FAM83A: variants seen among roughly 807,000 people sequenced by gnomAD.
The protein encoded by FAM83A is scaffolding CK1 anchoring protein A.
Under a neutral mutation model 24.4 loss-of-function variants are expected in FAM83A, and 21 were observed. That is an observed-to-expected ratio of 0.86 (90% confidence interval 0.61 to 1.24). The LOEUF (loss-of-function observed/expected upper bound fraction) is 1.24. FAM83A is among the 50% of genes most tolerant of loss of function. The pLI, the probability that FAM83A is intolerant of heterozygous loss-of-function variation, is 0.00. For synonymous variants in FAM83A, 270 were observed against 252.4 expected (o/e 1.07, Z -0.66); for missense variants, 617 against 579.8 (o/e 1.06, Z -0.66).
rs541143732 is a variant in FAM83A at position 123,203,340 on chromosome 8, C to T, written c.774-3817C>T. 1.4e-3 allele frequency among the ~76,000 whole-genome samples: 208 copies of T among 151,874 alleles called. 2 individuals are homozygous for T. The highest frequency in any genetic ancestry group is 2.3e-3 in the Non-Finnish European group (158 of 67,956). On this transcript the variant is annotated intron_variant, in intron 3 of 3. Transcript: ENST00000690554. ...CGGTGGTTCACATCTGTAATCCCAG[C>T]ACCTTGGGAGGCAGAGGAAGGTGGA...
intron 1 of FAM83A, 94 bp from the exon 2 acceptor site, chr8:123,191,709 C>T: frequency 7.4e-7 from 1 of 1,356,280 alleles, no homozygotes; most frequent in African/African-American, 1.4e-5. Flanking sequence ...GGGAACAGCT[C>T]TCCCAGGCCC....
chr8:123,194,723 A>G (rs1434233822), intron 3 of FAM83A, among the ~76,000 whole-genome samples: 1 of 152,166 alleles, frequency 6.6e-6, no homozygotes, highest in Non-Finnish European at 1.5e-5. Context: ...ACCTCAGGTG[A>G]TCCACCCATG....
intron 2 of FAM83A, among the ~76,000 whole-genome samples, chr8:123,192,527 G>T (rs1159031668): frequency 6.6e-6 from 1 of 152,234 alleles, no homozygotes; most frequent in Non-Finnish European, 1.5e-5. Context: ...AGCGATAAGG[G>T]TTTGATTCAT....
chr8:123,188,389 T>A (rs1823871471), intron 1 of FAM83A, among the ~76,000 whole-genome samples: 1 of 152,114 alleles, frequency 6.6e-6, no homozygotes, highest in African/African-American at 2.4e-5. Context: ...CCAAATGAGG[T>A]CATATGCACA....
At chr8:123,184,628 C>T (rs1280784169) in intron 1 of FAM83A, among the ~76,000 whole-genome samples, 1 of 152,214 alleles carries the variant, frequency 6.6e-6, no homozygotes, top group East Asian at 1.9e-4. Flanking sequence ...CAGCCGGAGA[C>T]AAGTGAAGGG....
exon 4 of FAM83A, chr8:123,207,764 G>C: frequency 3.5e-6 from 5 of 1,410,262 alleles, no homozygotes; most frequent in South Asian, 1.6e-5. Flanking sequence ...CCTCAACGAC[G>C]AGTGGCGTTG....
Position 123,182,721 on chromosome 8 carries a change from T to C in FAM83A, c.-136T>C, listed in dbSNP as rs968352784. ...GGTAAATCACTTCTTGGAGGTGCCC[T>C]GCACGCCGGTCCTGGGAGCAGGCGG... On this transcript the variant is annotated 5_prime_UTR_variant, in exon 1 of 4. Coordinates refer to ENST00000690554, the Ensembl canonical transcript of FAM83A. 10 of 1,319,334 alleles carry C rather than the reference T, an allele frequency of 7.6e-6. No homozygotes were observed. The Admixed American group carries it at 8.2e-5, about 11-fold the overall frequency. 81.7% of individuals were successfully genotyped at this position (1,319,334 alleles called of 1,614,324 possible). A position where few individuals can be genotyped will look rare whatever the true frequency, so the allele number is the denominator to read the frequency against.
chr8:123,182,609 GC>G, upstream of FAM83A: 2 of 693,588 alleles, frequency 2.9e-6, no homozygotes, highest in Non-Finnish European at 5.2e-6. Flanking sequence ...AGCCCTCCCG[GC>G]CCGAGGGCAG....
exon 1 of FAM83A, chr8:123,182,951 A>G: frequency 6.2e-7 from 1 of 1,605,556 alleles, no homozygotes. Flanking sequence ...TTTAGTGACA[A>G]CGAGAGTGCC....
chr8:123,207,561 C>G, exon 4 of FAM83A: 3 of 1,544,940 alleles, frequency 1.9e-6, no homozygotes, highest in African/African-American at 2.7e-5. Context: ...CACGACGGCC[C>G]GCCCGCCGCT....
intron 3 of FAM83A, among the ~76,000 whole-genome samples, chr8:123,197,381 A>ACAT (rs2131087442): frequency 6.6e-6 from 1 of 152,318 alleles, no homozygotes; most frequent in South Asian, 2.1e-4. Context: ...GTCCCCATGT[A>ACAT]AGTGCCTGTC....
intron 3 of FAM83A, among the ~76,000 whole-genome samples, chr8:123,195,249 G>A (rs1824109170): frequency 6.6e-6 from 1 of 152,090 alleles, no homozygotes; most frequent in African/African-American, 2.4e-5. Flanking sequence ...ACAAACATTG[G>A]GATAAGCTGG....
Position 123,207,515 on chromosome 8 carries a change from GCC to G in FAM83A, c.1135_1136del (p.Pro379GlufsTer167). 6.4e-7 allele frequency: 1 copy of G among 1,571,906 alleles called. No individual in the cohort carries two copies. The highest frequency in any genetic ancestry group is 1.2e-5 in the South Asian group (1 of 86,638). ...CCAGCCCCACCAAGGCCCTTGGGGAGCCCCGAGTCCCCAGGCCCACCTCTCCC... is the reference window on the plus strand; with the variant it reads ...CCAGCCCCACCAAGGCCCTTGGGGAGCCGAGTCCCCAGGCCCACCTCTCCC... On this transcript the variant is annotated frameshift_variant, in exon 4 of 4. Transcript: ENST00000690554. LOFTEE classifies it low-confidence loss of function (END_TRUNC).
In FAM83A at chr8:123,209,684, T is replaced by C; in HGVS notation, c.*1996T>C. The C allele has an allele frequency of 1.0e-6, 1 of 991,708 alleles. No homozygotes were observed. The allele number at this position is 991,708 out of a possible 1,614,324, so 61.4% of individuals were successfully genotyped here. A position where few individuals can be genotyped will look rare whatever the true frequency, so the allele number is the denominator to read the frequency against. On this transcript the variant is annotated 3_prime_UTR_variant, in exon 4 of 4. Coordinates refer to ENST00000690554, the Ensembl canonical transcript of FAM83A. The surrounding 1 kb of genome is among the most constrained non-coding windows in gnomAD (Gnocchi z 4.7). ...GCCTCAGCCTGTGCCTGTGTCGAGC[T>C]CAGTCCTGGGAGATAGGGGAGAACC...
chr8:123,207,830 G>C (rs1824616703), exon 4 of FAM83A: 4 of 1,392,360 alleles, frequency 2.9e-6, no homozygotes, highest in Non-Finnish European at 3.7e-6. Flanking sequence ...AATGTTCCCA[G>C]GCCCCAGGCC....
At chr8:123,201,232 T>C (rs1824349373) in intron 3 of FAM83A, 1 of 152,314 alleles carries the variant, frequency 6.6e-6, no homozygotes, top group African/African-American at 2.4e-5. Context: ...ATCCTCCTAA[T>C]TGACAGAAGT....
intron 1 of FAM83A, among the ~76,000 whole-genome samples, chr8:123,191,284 T>C (rs1823964666): frequency 6.6e-6 from 1 of 152,176 alleles, no homozygotes; most frequent in Non-Finnish European, 1.5e-5. Context: ...CGTGACTCCC[T>C]TCTCCATCCC....
rs202137190 is a variant in FAM83A, at chr8:123,207,442, A to G, written c.1059A>G (p.Ser353=). 1,717 of 1,604,424 alleles carry G rather than the reference A, an allele frequency of 1.1e-3. 20 individuals carry two copies. The African/African-American group carries it at 0.019, about 17-fold the overall frequency. Reference sequence around the variant, plus strand: ...GTACCCGAAGTGTGTCCGCGTCTTCAGGGCCCTGTAGCCCCGCGGCCCCAC... The same window carrying G: ...GTACCCGAAGTGTGTCCGCGTCTTCGGGGCCCTGTAGCCCCGCGGCCCCAC... The change falls in exon 4 of 4, where the codon TCA becomes TCG. Residue 353 remains serine, a synonymous_variant. Transcript: ENST00000690554.
At chr8:123,194,194 GGCTGAGTGAGGT>G (rs1237102572) in intron 3 of FAM83A, 46 bp downstream of exon 3, 2 of 1,609,252 alleles carry the variant, frequency 1.2e-6, no homozygotes, top group African/African-American at 2.7e-5. Flanking sequence ...GGAGAACAAG[GGCTGAGTGAGGT>G]GCAGACCAGC....
Sources: gnomAD v4.1 joint callset for allele counts (sites outside exome capture counted in the v4.1 genomes callset) on GRCh38, gnomAD v4.1.1 for gene constraint, Gnocchi (gnomAD v3.1) non-coding constraint, MANE v1.5 for transcripts, NCBI Gene and HGNC (gene_info 2026-07-23, HGNC 2026-07-21) for gene names.